Variants in CCDC60 observed in about 807,000 individuals in gnomAD.
The protein encoded by CCDC60 is coiled-coil domain-containing protein 60.
Under a neutral mutation model 63.5 loss-of-function variants are expected in CCDC60, and 54 were observed. The observed-to-expected ratio is 0.85, with a 90% CI of 0.68 to 1.07. The LOEUF is 1.07. CCDC60 is among the 50% of genes least tolerant of loss of function. The probability of loss-of-function intolerance (pLI) is 0.00; values close to 1 mark genes in which losing one functional copy is unlikely to be tolerated. For missense variants in CCDC60, 651 were observed against 684.3 expected (o/e 0.95, Z 0.54); for synonymous variants, 206 against 238.8 (o/e 0.86, Z 1.27).
intron 1 of CCDC60, among the ~76,000 whole-genome samples, chr12:119,360,650 G>A (rs1001908723): frequency 2.0e-5 from 3 of 151,958 alleles, no homozygotes; most frequent in South Asian, 2.1e-4. Context: ...CATCCCAGAC[G>A]ATGGGCGGCG....
chr12:119,430,526 G>A (rs1950209161), intron 2 of CCDC60, among the ~76,000 whole-genome samples: 1 of 152,020 alleles, frequency 6.6e-6, no homozygotes, highest in South Asian at 2.1e-4. Flanking sequence ...AATTAGCCGG[G>A]CATGGTGGTG....
chr12:119,341,064 A>G (rs1001496510), intron 1 of CCDC60, among the ~76,000 whole-genome samples: 5 of 152,172 alleles, frequency 3.3e-5, no homozygotes, highest in African/African-American at 1.2e-4. Context: ...GATAAATTGC[A>G]GAATTCATGT....
intron 1 of CCDC60, among the ~76,000 whole-genome samples, chr12:119,337,808 ATGTGTGTGTGTGTATTTGTGTG>A (rs968288363): frequency 5.1e-5 from 7 of 138,006 alleles, no homozygotes; most frequent in African/African-American, 1.9e-4. Context: ...AGATTCACGC[ATGTGTGTGTGTGTATTTGTGTG>A]TGTGTGTGTG....
chr12:119,477,775 AT>A (rs1951207681), intron 3 of CCDC60, among the ~76,000 whole-genome samples: 1 of 152,204 alleles, frequency 6.6e-6, no homozygotes, highest in Non-Finnish European at 1.5e-5. Context: ...TCTGTGGCCC[AT>A]CATTCTTGTG....
At chr12:119,401,517 A>G (rs1593033857) in intron 1 of CCDC60, among the ~76,000 whole-genome samples, 1 of 152,232 alleles carries the variant, frequency 6.6e-6, no homozygotes, top group Non-Finnish European at 1.5e-5. Context: ...CAATCTCAGC[A>G]TCTCTTTCTA....
rs767684082 is a variant in CCDC60 at position 119,528,598 on chromosome 12, C to T, written c.1230-17C>T. The T allele has an allele frequency of 1.2e-6, 2 of 1,606,272 alleles. No individual in the cohort carries two copies. Among genetic ancestry groups the T allele is most frequent in the Non-Finnish European group, 1.7e-6 (2 of 1,175,864 alleles). ...GGGGATCTCATTCTTCTCTCTCTTTCTCATACAACCTTGTAGGCGCCAAGA... is the reference window on the plus strand; with the variant it reads ...GGGGATCTCATTCTTCTCTCTCTTTTTCATACAACCTTGTAGGCGCCAAGA... On this transcript the variant is annotated splice_polypyrimidine_tract_variant and intron_variant, in intron 11 of 13. Coordinates refer to ENST00000327554, the MANE Select transcript of CCDC60 (RefSeq NM_178499.5).
intron 5 of CCDC60, among the ~76,000 whole-genome samples, chr12:119,489,661 C>A (rs1044068958): frequency 6.6e-6 from 1 of 152,126 alleles, no homozygotes; most frequent in African/African-American, 2.4e-5. Context: ...AAGTAAAGAA[C>A]CCTGACTTGA....
chr12:119,431,852 T>G (rs575543203), intron 2 of CCDC60, among the ~76,000 whole-genome samples: 49 of 152,272 alleles, frequency 3.2e-4, no homozygotes, highest in Admixed American at 2.7e-3. Context: ...CTAATTTTTT[T>G]GTATTTTTAG....
At chr12:119,477,893 A>G (rs563067431) in intron 3 of CCDC60, among the ~76,000 whole-genome samples, 1 of 152,120 alleles carries the variant, frequency 6.6e-6, no homozygotes, top group Non-Finnish European at 1.5e-5. Flanking sequence ...AATTGATTCA[A>G]TTGCACACAC....
chr12:119,430,877 G>A (rs920023992), intron 2 of CCDC60, among the ~76,000 whole-genome samples: 2 of 152,118 alleles, frequency 1.3e-5, no homozygotes, highest in Admixed American at 6.5e-5. Context: ...AGACTAATAC[G>A]TAAGAGACAA....
intron 1 of CCDC60, among the ~76,000 whole-genome samples, chr12:119,375,671 G>A (rs181828512): frequency 9.2e-5 from 14 of 152,248 alleles, no homozygotes; most frequent in East Asian, 7.7e-4. Context: ...AGAGTCCTTC[G>A]TCCACCTAAA....
intron 2 of CCDC60, among the ~76,000 whole-genome samples, chr12:119,462,017 T>C (rs1950864642): frequency 6.6e-6 from 1 of 152,106 alleles, no homozygotes; most frequent in Non-Finnish European, 1.5e-5. Context: ...GCCCAGACCC[T>C]CCCCCTAACC....
chr12:119,413,605 C>G (rs1956644835), intron 1 of CCDC60, among the ~76,000 whole-genome samples: 1 of 152,198 alleles, frequency 6.6e-6, no homozygotes, highest in African/African-American at 2.4e-5. Flanking sequence ...CCAAGTGGGC[C>G]TCTCAGCATC....
At chr12:119,465,082 C>T (rs1023727126) in intron 2 of CCDC60, among the ~76,000 whole-genome samples, 2 of 152,260 alleles carry the variant, frequency 1.3e-5, no homozygotes, top group East Asian at 1.9e-4. Context: ...GAGGCCGAGG[C>T]GGGTGGATCA....
chr12:119,395,251 A>G (rs2136206622), intron 1 of CCDC60, among the ~76,000 whole-genome samples: 1 of 152,318 alleles, frequency 6.6e-6, no homozygotes, highest in East Asian at 1.9e-4. Flanking sequence ...CTTGAGCAAG[A>G]GCATGTGTAT....
chr12:119,344,073 C>T (rs919676685), intron 1 of CCDC60, among the ~76,000 whole-genome samples: 3 of 152,114 alleles, frequency 2.0e-5, no homozygotes, highest in African/African-American at 4.8e-5. Context: ...TTACTTCTCT[C>T]CAGGCTTTAC....
At chr12:119,488,731 A>G (rs1220666807) in intron 4 of CCDC60, 28 bp from the exon 5 acceptor site, 14 of 1,596,624 alleles carry the variant, frequency 8.8e-6, no homozygotes, top group Admixed American at 6.7e-5. Context: ...ACAGGATCCC[A>G]CTGTGTTCCC....
At chr12:119,404,407 T>C (rs1956448365) in intron 1 of CCDC60, among the ~76,000 whole-genome samples, 1 of 152,158 alleles carries the variant, frequency 6.6e-6, no homozygotes, top group South Asian at 2.1e-4. Flanking sequence ...TCATATGATA[T>C]CATAACTGCT....
intron 1 of CCDC60, among the ~76,000 whole-genome samples, chr12:119,366,154 G>A (rs902777683): frequency 7.2e-5 from 11 of 151,968 alleles, no homozygotes; most frequent in Admixed American, 3.3e-4. Flanking sequence ...GTTTATCACC[G>A]TTTTAGAGAT....
Sources: gnomAD v4.1 joint callset for allele counts (sites outside exome capture counted in the v4.1 genomes callset) on GRCh38, gnomAD v4.1.1 for gene constraint, MANE v1.5 for transcripts, NCBI Gene and HGNC (gene_info 2026-07-23, HGNC 2026-07-21) for gene names.